CCDC9: variants seen among roughly 807,000 people sequenced by gnomAD.
CCDC9 encodes coiled-coil domain containing 9, also known as coiled-coil domain-containing protein 9.
In CCDC9, 52 loss-of-function variants were observed where a neutral mutation model predicts 65.6. The observed-to-expected ratio is 0.79, with a 90% CI of 0.63 to 1.00. The LOEUF (loss-of-function observed/expected upper bound fraction) is 1.00, where lower values mean the gene tolerates loss of function less well. CCDC9 is among the 50% of genes least tolerant of loss of function. The pLI is 0.00. For synonymous variants in CCDC9, 332 were observed against 280.3 expected (o/e 1.18, Z -1.84); for missense variants, 834 against 757.2 (o/e 1.10, Z -1.19).
At chr19:47,272,208 T>C (rs1015438435), downstream of CCDC9, 49 of 1,184,430 alleles carry the variant, frequency 4.1e-5, no homozygotes, top group African/African-American at 7.4e-4. Flanking sequence ...GCTTCCTCTT[T>C]CTCTGGGGCT....
At chr19:47,270,862 C>T (rs1034019028) in intron 10 of CCDC9, among the ~76,000 whole-genome samples, 174 bp downstream of exon 10, 1 of 152,024 alleles carries the variant, frequency 6.6e-6, no homozygotes, top group Non-Finnish European at 1.5e-5. Context: ...TTGGTTTTAC[C>T]CTCATCTGTC....
chr19:47,275,113 C>T, downstream of CCDC9: 1 of 1,493,578 alleles, frequency 6.7e-7, no homozygotes, highest in South Asian at 1.3e-5. Context: ...GCGGCACCCG[C>T]CGGCCCACAG....
At position 47,260,739 on chromosome 19, in the gene CCDC9, G is replaced by A. The variant is rs750101021; in HGVS notation, c.362G>A (p.Arg121Gln). 8.1e-6 allele frequency: 13 copies of A among 1,602,496 alleles called. No individual in the cohort carries two copies. The highest frequency in any genetic ancestry group is 1.3e-5 in the African/African-American group (1 of 74,304). Reference protein sequence around the residue: ...SWEGSPGEQPRGGGAGGRGRR... With the variant: ...SWEGSPGEQPQGGGAGGRGRR... ...GAGGGCAGCCCCGGGGAGCAGCCTC[G>A]AGGAGGAGGAGCTGGGGGCCGTGGC... Residue 121 changes from arginine (R) to glutamine (Q), a missense_variant, in exon 5 of 12, where the codon CGA (arginine) becomes CAA (glutamine). Coordinates refer to ENST00000221922, the MANE Select transcript of CCDC9 (RefSeq NM_015603.3).
chr19:47,266,496 TCTCTGC>T (rs1184621091), intron 7 of CCDC9, 109 bp from the exon 8 acceptor site: 2 of 1,422,380 alleles, frequency 1.4e-6, no homozygotes, highest in East Asian at 5.3e-5. Context: ...TTGATTGTGA[TCTCTGC>T]CTTGTCATCG....
chr19:47,265,905 C>G (rs1226421648), intron 7 of CCDC9, among the ~76,000 whole-genome samples: 1 of 148,386 alleles, frequency 6.7e-6, no homozygotes, highest in African/African-American at 2.5e-5. Context: ...CCAGGATGGT[C>G]TCTATCTCCT....
intron 7 of CCDC9, 162 bp from the exon 8 acceptor site, chr19:47,266,449 G>C: frequency 9.2e-7 from 1 of 1,091,028 alleles, no homozygotes; most frequent in Non-Finnish European, 1.3e-6. Flanking sequence ...TAGGAGATCT[G>C]AGAGGGCCTC....
intron 3 of CCDC9, among the ~76,000 whole-genome samples, chr19:47,259,891 G>C (rs1182707553): frequency 6.6e-6 from 1 of 152,194 alleles, no homozygotes; most frequent in South Asian, 2.1e-4. Flanking sequence ...GGCCTCACGA[G>C]AAGGCAGCAT....
In CCDC9 at chr19:47,258,632, G is replaced by A. The variant is rs2059026441; in HGVS notation, c.77G>A (p.Arg26Gln). The A allele has an allele frequency of 1.2e-6, 2 of 1,613,952 alleles. No homozygotes were observed. Among genetic ancestry groups the A allele is most frequent in the Non-Finnish European group, 1.7e-6 (2 of 1,179,952 alleles). Residue 26 changes from arginine (R) to glutamine (Q), a missense_variant, in exon 3 of 12, where the codon CGG becomes CAG. Arg to Gln is a conservative substitution (Grantham distance 43). Transcript: ENST00000221922. ...GACAAGAGGATCGAGGCTCTTCGGC[G>A]GAAGAATGAGGCCCTCATCCGGCGC... ...ELDKRIEALR[R>Q]KNEALIRRYQ...
chr19:47,258,315 T>C lies in CCDC9; in HGVS notation c.-71-15T>C, dbSNP rs1488342458. ...GGGCCATTGGCCTTTGTCCTTTTTT[T>C]CCCTCTGTCCCCAGGAACCCTCAGT... On this transcript the variant is annotated splice_polypyrimidine_tract_variant and intron_variant, in intron 1 of 11. Transcript: ENST00000221922. 1 of 1,480,126 alleles carries C rather than the reference T, an allele frequency of 6.8e-7. No individual in the cohort carries two copies. The highest frequency in any genetic ancestry group is 2.3e-5 in the East Asian group (1 of 44,188). 91.7% of individuals were successfully genotyped at this position (1,480,126 alleles called of 1,614,324 possible).
At chr19:47,275,290 C>T (rs1041737272), downstream of CCDC9, 55 of 1,546,078 alleles carry the variant, frequency 3.6e-5, no homozygotes, top group East Asian at 1.1e-3. Context: ...GACCGCCGTC[C>T]GAGCCGCCAG....
At chr19:47,268,020 TGTAATTTTA>T (rs2059093850) in intron 8 of CCDC9, among the ~76,000 whole-genome samples, 1 of 152,076 alleles carries the variant, frequency 6.6e-6, no homozygotes, top group African/African-American at 2.4e-5. Context: ...GCTAATTTTT[TGTAATTTTA>T]GTAGAGGTGG....
chr19:47,265,081 G>C, intron 7 of CCDC9, 135 bp downstream of exon 7: 1 of 680,616 alleles, frequency 1.5e-6, no homozygotes, highest in Non-Finnish European at 2.1e-6. Context: ...TTTTTGAGAC[G>C]GATTCTCGCT....
In CCDC9 at chr19:47,258,216, T is replaced by C. The variant is rs925049674; in HGVS notation, c.-71-114T>C. On this transcript the variant is annotated intron_variant, in intron 1 of 11. Coordinates refer to ENST00000221922, the MANE Select transcript of CCDC9 (RefSeq NM_015603.3). ...AAGGAGGGAGAGTGAGGGCTACAAT[T>C]CTCTTGGGGTACAGGGTTTTTTGTG... The C allele has an allele frequency of 2.1e-5, 13 of 630,728 alleles. No individual in the cohort carries two copies. The Admixed American group carries it at 3.7e-4, about 18-fold the overall frequency. The allele number at this position is 630,728 out of a possible 1,614,324, so 39.1% of individuals were successfully genotyped here. A position where few individuals can be genotyped will look rare whatever the true frequency, so the allele number is the denominator to read the frequency against.
chr19:47,275,542 C>G, downstream of CCDC9: 1 of 708,786 alleles, frequency 1.4e-6, no homozygotes, highest in Non-Finnish European at 2.2e-6. Context: ...ACTCTGTGGT[C>G]AGGCCGGGTC....
At chr19:47,271,962 C>T, downstream of CCDC9, 2 of 1,276,884 alleles carry the variant, frequency 1.6e-6, no homozygotes, top group Non-Finnish European at 9.9e-7. Flanking sequence ...AATGACATTC[C>T]CCCAGGTGTG....
chr19:47,273,513 C>T (rs976808714), downstream of CCDC9: 2 of 533,514 alleles, frequency 3.7e-6, no homozygotes, highest in Middle Eastern at 5.4e-4. Flanking sequence ...CCCACCGCCT[C>T]GCTCCTCTGT....
At chr19:47,269,597 C>A (rs1382384087) in intron 8 of CCDC9, among the ~76,000 whole-genome samples, 1 of 152,174 alleles carries the variant, frequency 6.6e-6, no homozygotes, top group Non-Finnish European at 1.5e-5. Flanking sequence ...CCTGGACTCC[C>A]AAAGTGTTGG....
Position 47,271,322 on chromosome 19 carries a change from G to A in CCDC9, c.1240G>A (p.Glu414Lys), listed in dbSNP as rs2059115408. 1.9e-6 allele frequency: 3 copies of A among 1,612,270 alleles called. No individual in the cohort carries two copies. Among genetic ancestry groups the A allele is most frequent in the Non-Finnish European group, 2.5e-6 (3 of 1,179,170 alleles). ...PAHRPPEDEG[E>K]ENEGEEDEEW... ...CCACCGGCCTCCTGAAGACGAGGGG[G>A]AAGAGAATGAGGGGGAAGAGGATGA... Residue 414 changes from glutamate to lysine, a missense_variant, in exon 12 of 12, where the codon GAA (glutamate) becomes AAA (lysine). By Grantham distance (56) the Glu-to-Lys change is moderately conservative. Transcript: ENST00000221922.
intron 5 of CCDC9, among the ~76,000 whole-genome samples, chr19:47,261,107 T>G (rs75545337): frequency 1.7e-3 from 254 of 152,154 alleles, no homozygotes; most frequent in African/African-American, 5.5e-3. Context: ...GCTCCCCGTC[T>G]TCTTGTTCCT....
Sources: gnomAD v4.1 joint callset for allele counts (sites outside exome capture counted in the v4.1 genomes callset) on GRCh38, gnomAD v4.1.1 for gene constraint, MANE v1.5 for transcripts, NCBI Gene and HGNC (gene_info 2026-07-23, HGNC 2026-07-21) for gene names.